Variants in EXOC4 observed in about 807,000 individuals in gnomAD.
EXOC4 encodes the protein SEC8-like 1.
A neutral mutation model predicts 107.2 loss-of-function variants in EXOC4; 71 were observed. The ratio of observed to expected loss-of-function variants is 0.66; its 90% CI spans 0.55 to 0.81. EXOC4 has a LOEUF of 0.81. EXOC4 is among the 30% of genes least tolerant of loss of function. The probability of loss-of-function intolerance (pLI) is 0.00; values close to 1 mark genes in which losing one functional copy is unlikely to be tolerated. For synonymous variants in EXOC4, 456 were observed against 441.2 expected (o/e 1.03, Z -0.42); for missense variants, 1,108 against 1,189.6 (o/e 0.93, Z 1.01).
intron 11 of EXOC4, among the ~76,000 whole-genome samples, chr7:133,876,212 G>T (rs952702597): frequency 7.1e-6 from 1 of 141,064 alleles, no homozygotes; most frequent in African/African-American, 2.8e-5. Context: ...CTAAGGAAAA[G>T]AATGAAGAGG....
intron 10 of EXOC4, among the ~76,000 whole-genome samples, chr7:133,743,695 T>C (rs1276331424): frequency 1.3e-5 from 2 of 152,206 alleles, no homozygotes; most frequent in African/African-American, 4.8e-5. Context: ...CTTGGGCCAT[T>C]GTTCTTTATG....
intron 17 of EXOC4, among the ~76,000 whole-genome samples, chr7:134,062,387 A>C (rs533177856): frequency 2.2e-4 from 34 of 152,310 alleles, no homozygotes; most frequent in Admixed American, 6.5e-4. Flanking sequence ...GCCTGAAATT[A>C]TGGAGCTCCT....
intron 10 of EXOC4, among the ~76,000 whole-genome samples, chr7:133,786,845 T>G (rs574125446): frequency 6.6e-6 from 1 of 152,210 alleles, no homozygotes; most frequent in Admixed American, 6.5e-5. Context: ...GCAAACAAAG[T>G]CAGAATGTAT....
chr7:133,821,262 A>T (rs1385122767), intron 11 of EXOC4, among the ~76,000 whole-genome samples: 1 of 152,176 alleles, frequency 6.6e-6, no homozygotes, highest in Non-Finnish European at 1.5e-5. Flanking sequence ...TATTCTTTTT[A>T]TGAGGAAGAA....
chr7:133,937,835 C>T (rs1471352657), intron 13 of EXOC4, 56 bp from the exon 14 acceptor site: 25 of 1,566,358 alleles, frequency 1.6e-5, no homozygotes, highest in African/African-American at 8.1e-5. Flanking sequence ...CAGTGTTGCC[C>T]GGTCCTACCT....
chr7:133,787,066 C>T (rs760611907), intron 10 of EXOC4, among the ~76,000 whole-genome samples: 17 of 151,834 alleles, frequency 1.1e-4, no homozygotes, highest in African/African-American at 2.4e-4. Context: ...GTGCTTTAGG[C>T]GTAAAAGATT....
chr7:133,616,915 C>T (rs149512754), intron 9 of EXOC4, among the ~76,000 whole-genome samples: 42 of 152,126 alleles, frequency 2.8e-4, no homozygotes, highest in African/African-American at 8.4e-4. Flanking sequence ...ATTTTATAAT[C>T]TAAGAAATCA....
chr7:133,676,924 ACT>A (rs1491186903), intron 10 of EXOC4, among the ~76,000 whole-genome samples: 61 of 76,282 alleles, frequency 8.0e-4, no homozygotes, highest in African/African-American at 2.5e-3. Flanking sequence ...TATGTAGTAA[ACT>A]CTGTGTGTGT....
intron 7 of EXOC4, among the ~76,000 whole-genome samples, chr7:133,419,915 C>T (rs1797563094): frequency 6.6e-6 from 1 of 151,716 alleles, no homozygotes; most frequent in African/African-American, 2.4e-5. Flanking sequence ...AGGTGTTAGC[C>T]AGCTCTGGGT....
intron 13 of EXOC4, among the ~76,000 whole-genome samples, chr7:133,933,627 G>A (rs866075234): frequency 6.6e-6 from 1 of 152,220 alleles, no homozygotes. Flanking sequence ...CTAGAAAGTG[G>A]AAATAATACT....
At chr7:133,856,467 C>G (rs1359654560) in intron 11 of EXOC4, among the ~76,000 whole-genome samples, 2 of 152,238 alleles carry the variant, frequency 1.3e-5, no homozygotes, top group Non-Finnish European at 2.9e-5. Context: ...ACTTCTCTCA[C>G]TCACAAGTCT....
chr7:133,708,014 G>T lies in EXOC4; in HGVS notation c.1514+77873G>T, dbSNP rs891328586. ...GATAAAAATACCAGAAATTTTTAAGGTGCTCTGTGGTTCATATTATTTATA... is the reference window on the plus strand; with the variant it reads ...GATAAAAATACCAGAAATTTTTAAGTTGCTCTGTGGTTCATATTATTTATA... On this transcript the variant is annotated intron_variant, in intron 10 of 17. Transcript: ENST00000253861. 3.9e-5 allele frequency among the ~76,000 whole-genome samples: 6 copies of T among 152,068 alleles called. No homozygotes were observed. In the South Asian group the frequency reaches 1.2e-3, roughly 32 times the overall value.
intron 11 of EXOC4, among the ~76,000 whole-genome samples, chr7:133,825,616 G>A (rs917368284): frequency 2.6e-5 from 4 of 152,160 alleles, no homozygotes; most frequent in Non-Finnish European, 5.9e-5. Context: ...CTGGTTTCCC[G>A]AGGAAGTGTG....
At chr7:133,958,882 C>T (rs1349016548) in intron 14 of EXOC4, among the ~76,000 whole-genome samples, 2 of 152,170 alleles carry the variant, frequency 1.3e-5, no homozygotes, top group East Asian at 3.9e-4. Context: ...GGCTGTTATT[C>T]TGAAATCAGG....
intron 17 of EXOC4, among the ~76,000 whole-genome samples, chr7:134,015,992 G>T (rs902081502): frequency 3.3e-5 from 5 of 152,100 alleles, no homozygotes; most frequent in African/African-American, 9.7e-5. Context: ...AAATTGGCAG[G>T]TCTTGGAGAG....
rs570001115 is a variant in EXOC4 at position 133,364,723 on chromosome 7, G to T, written c.1007+8150G>T. ...AAACATCATAGAATTTTGCAGTTTT[G>T]TAGTATTCACGCTTTGCAAAGCCAT... is the stretch of plus-strand genomic sequence containing the variant. On this transcript the variant is annotated intron_variant, in intron 6 of 17. Transcript: ENST00000253861. Among the ~76,000 whole-genome samples, 3 of 152,236 alleles carry T rather than the reference G, an allele frequency of 2.0e-5. No homozygotes were observed. The South Asian group carries it at 6.2e-4, about 32-fold the overall frequency.
At position 133,558,210 on chromosome 7, in the gene EXOC4, T is replaced by TCTTTTCTTTTTTTTC. The variant is rs1313843513; in HGVS notation, c.1418-71825_1418-71824insTTTTCCTTTTCTTTT. On this transcript the variant is annotated intron_variant, in intron 9 of 17. Transcript: ENST00000253861. ...CCTTCTCTTTTCTTTTCTTTTCTTTTCTTTTCTTTTCTTTTCTTTTCTTTT... is the reference window on the plus strand; with the variant it reads ...CCTTCTCTTTTCTTTTCTTTTCTTTTCTTTTCTTTTTTTTCCTTTTCTTTTCTTTTCTTTTCTTTT... 4.4e-3 allele frequency among the ~76,000 whole-genome samples: 605 copies of TCTTTTCTTTTTTTTC among 137,202 alleles called. 7 individuals carry two copies. The highest frequency in any genetic ancestry group is 0.018 in the African/African-American group (573 of 31,988). The allele number at this position is 137,202 out of a possible 152,430, so 90.0% of individuals were successfully genotyped here. A position where few individuals can be genotyped will look rare whatever the true frequency, so the allele number is the denominator to read the frequency against.
At chr7:133,405,017 T>A (rs1378642330) in intron 7 of EXOC4, among the ~76,000 whole-genome samples, 2 of 151,846 alleles carry the variant, frequency 1.3e-5, no homozygotes, top group Non-Finnish European at 2.9e-5. Context: ...AAGGCTGCAA[T>A]GAGTTATGAT....
intron 3 of EXOC4, among the ~76,000 whole-genome samples, chr7:133,301,596 T>C (rs1196860170): frequency 6.6e-6 from 1 of 152,228 alleles, no homozygotes; most frequent in East Asian, 1.9e-4. Flanking sequence ...ATACATTTGC[T>C]TTCCTTAGGG....
Sources: allele counts gnomAD v4.1 joint callset (sites outside exome capture counted in the v4.1 genomes callset), GRCh38; gene constraint gnomAD v4.1.1; transcripts MANE v1.5; gene names NCBI Gene and HGNC (gene_info 2026-07-23, HGNC 2026-07-21).